Variants in MTA3 observed in about 807,000 individuals in gnomAD.
MTA3 encodes metastasis associated 1 family member 3, also known as metastasis-associated protein MTA3.
A neutral mutation model predicts 83.5 loss-of-function variants in MTA3; 34 were observed. That is an observed-to-expected ratio of 0.41 (90% confidence interval 0.31 to 0.54). The LOEUF (loss-of-function observed/expected upper bound fraction) is 0.54, where lower values mean the gene tolerates loss of function less well. Ranked by LOEUF, MTA3 falls within the 20% of genes least tolerant of loss-of-function variation. The pLI is 0.33. For synonymous variants in MTA3, 303 were observed against 252.7 expected, an observed-to-expected ratio of 1.20 and a Z score of -1.89; for missense variants, 761 against 726.4, an observed-to-expected ratio of 1.05 and a Z score of -0.55.
At chr2:42,569,095 C>G (rs551031086) in intron 1 of MTA3, among the ~76,000 whole-genome samples, 1 of 152,230 alleles carries the variant, frequency 6.6e-6, no homozygotes, top group South Asian at 2.1e-4. Flanking sequence ...CCGTCGAGCC[C>G]CCTGAGAAGG....
chr2:42,596,636 A>G (rs1312032401), intron 3 of MTA3, among the ~76,000 whole-genome samples: 1 of 152,200 alleles, frequency 6.6e-6, no homozygotes, highest in Non-Finnish European at 1.5e-5. Context: ...TACTGTATTA[A>G]TACTTTAAAA....
intron 4 of MTA3, among the ~76,000 whole-genome samples, chr2:42,616,226 A>G (rs1402463406): frequency 1.3e-5 from 2 of 151,774 alleles, no homozygotes; most frequent in East Asian, 3.9e-4. Flanking sequence ...ACGCCTGGCT[A>G]ATATTTTTGT....
chr2:42,583,570 A>G (rs6736719), intron 3 of MTA3, among the ~76,000 whole-genome samples: 115,837 of 152,112 alleles, frequency 0.76, 44,621 homozygotes, highest in South Asian at 0.88. Flanking sequence ...GTCTTGCTCT[A>G]TCGCTCAGGC....
At chr2:42,502,144 G>T (rs530453581) in intron 2 of MTA3, among the ~76,000 whole-genome samples, 37 of 151,484 alleles carry the variant, frequency 2.4e-4, no homozygotes, top group Non-Finnish European at 5.0e-4. Context: ...ACATCTCAAA[G>T]TGGGGGTGTT....
At chr2:42,536,845 T>C (rs1812184) in intron 2 of MTA3, among the ~76,000 whole-genome samples, 49,214 of 126,342 alleles carry the variant, frequency 0.39, 9,030 homozygotes, top group Middle Eastern at 0.45. Flanking sequence ...GGCAACAGAG[T>C]GAGACCCCAT....
In MTA3 at chr2:42,721,467, A is replaced by G. The variant is rs1470822854; in HGVS notation, c.1613-1422A>G. On this transcript the variant is annotated intron_variant, in intron 15 of 16. Coordinates refer to ENST00000405094, the MANE Select transcript of MTA3 (RefSeq NM_001330442.2). ...TTAAGCCTCCTGAATGGCTGGGACT[A>G]CAGGTGTGCACCACCACACTTGGCT... 2.0e-5 allele frequency among the ~76,000 whole-genome samples: 3 copies of G among 151,758 alleles called. 1 individual carries two copies. The highest frequency in any genetic ancestry group is 4.2e-4 in the South Asian group (2 of 4,802).
chr2:42,715,544 T>C (rs1304564704), intron 14 of MTA3, among the ~76,000 whole-genome samples: 2 of 151,918 alleles, frequency 1.3e-5, no homozygotes, highest in Non-Finnish European at 2.9e-5. Flanking sequence ...AGCTGGAACT[T>C]TCTATAAAAT....
At chr2:42,654,738 C>G (rs1405361138) in intron 6 of MTA3, among the ~76,000 whole-genome samples, 1 of 152,170 alleles carries the variant, frequency 6.6e-6, no homozygotes, top group African/African-American at 2.4e-5. Context: ...CCTCAGCTTC[C>G]TGAGTAGTTA....
intron 2 of MTA3, among the ~76,000 whole-genome samples, chr2:42,546,579 T>C (rs747651066): frequency 6.6e-6 from 1 of 152,196 alleles, no homozygotes; most frequent in Non-Finnish European, 1.5e-5. Context: ...CATTTCTAGT[T>C]GGTCACTTTT....
chr2:42,607,681 T>A lies in MTA3; in HGVS notation c.191-1777T>A, dbSNP rs571787098. On this transcript the variant is annotated intron_variant, in intron 3 of 16. Transcript: ENST00000405094. ...AATTTATCTTTTGAATTCTCTTTAC[T>A]CTTCATCCACTCTAATAATTGATTT... Among the ~76,000 whole-genome samples, 133 of 152,284 alleles carry A rather than the reference T, an allele frequency of 8.7e-4. 3 individuals are homozygous for A. The highest frequency in any genetic ancestry group is 2.7e-3 in the African/African-American group (114 of 41,558).
intron 3 of MTA3, among the ~76,000 whole-genome samples, chr2:42,582,835 T>G (rs1415341897): frequency 6.6e-6 from 1 of 152,144 alleles, no homozygotes; most frequent in Non-Finnish European, 1.5e-5. Context: ...TTAAGGAACT[T>G]AGCATCAAGC....
intron 14 of MTA3, among the ~76,000 whole-genome samples, chr2:42,715,558 A>G (rs1156938962): frequency 6.6e-6 from 1 of 151,982 alleles, no homozygotes; most frequent in African/African-American, 2.4e-5. Context: ...ATAAAATATT[A>G]TGAGGATTAG....
intron 5 of MTA3, among the ~76,000 whole-genome samples, chr2:42,642,021 A>T (rs941113714): frequency 2.0e-5 from 3 of 152,156 alleles, no homozygotes; most frequent in Non-Finnish European, 4.4e-5. Context: ...CCCCCTAAAT[A>T]TATAAAAAAT....
At position 42,656,262 on chromosome 2, in the gene MTA3, C is replaced by G. The variant is rs1327090643; in HGVS notation, c.562C>G (p.Leu188Val). 6.2e-7 allele frequency: 1 copy of G among 1,613,768 alleles called. No individual in the cohort carries two copies. Among genetic ancestry groups the G allele is most frequent in the Non-Finnish European group, 8.5e-7 (1 of 1,179,750 alleles). ...TAAAGTTTGGGATCCAAATAGCCCACTTACGGATCGACAGATTGACCAGTT... is the reference window on the plus strand; with the variant it reads ...TAAAGTTTGGGATCCAAATAGCCCAGTTACGGATCGACAGATTGACCAGTT... ...EVKVWDPNSP[L>V]TDRQIDQFLV... The change falls in exon 7 of 17, where the codon CTT becomes GTT. Residue 188 changes from leucine to valine, a missense_variant. Coordinates refer to ENST00000405094, the MANE Select transcript of MTA3 (RefSeq NM_001330442.2).
At chr2:42,667,602 G>GTGTGTGTGTGTT (rs1288398599) in intron 8 of MTA3, among the ~76,000 whole-genome samples, 18 of 132,284 alleles carry the variant, frequency 1.4e-4, no homozygotes, top group African/African-American at 5.0e-4. Context: ...GTGTGTGTGT[G>GTGTGTGTGTGTT]TGTGTGTATA....
At chr2:42,619,688 A>G (rs1685313914) in intron 4 of MTA3, among the ~76,000 whole-genome samples, 2 of 152,332 alleles carry the variant, frequency 1.3e-5, no homozygotes, top group South Asian at 2.1e-4. Flanking sequence ...GGAAGGACTA[A>G]CAACAATGAA....
chr2:42,577,035 A>G lies in MTA3; in HGVS notation c.97-2072A>G, dbSNP rs150340186. ...CTTGAACCAGGGAGTTGGAGGTTGC[A>G]GTGAGCCGAGATTGTGCCACTGCAC... is the stretch of plus-strand genomic sequence containing the variant. On this transcript the variant is annotated intron_variant, in intron 2 of 16. Coordinates refer to ENST00000405094, the MANE Select transcript of MTA3 (RefSeq NM_001330442.2). Among the ~76,000 whole-genome samples the G allele has an allele frequency of 4.1e-3, 607 of 146,696 alleles. 7 individuals are homozygous for G. Among genetic ancestry groups the G allele is most frequent in the African/African-American group, 0.015 (588 of 39,828 alleles).
At chr2:42,610,171 A>G (rs568453546) in intron 4 of MTA3, among the ~76,000 whole-genome samples, 3 of 152,352 alleles carry the variant, frequency 2.0e-5, no homozygotes, top group African/African-American at 7.2e-5. Flanking sequence ...ATATCTTTTC[A>G]GAATGGTACA....
intron 14 of MTA3, chr2:42,712,818 A>G (rs1666731534): frequency 1.3e-5 from 2 of 152,152 alleles, no homozygotes; most frequent in Non-Finnish European, 2.9e-5. Context: ...AAGGATGACA[A>G]CACAAATTAG....
Sources: allele counts gnomAD v4.1 joint callset (sites outside exome capture counted in the v4.1 genomes callset), GRCh38; gene constraint gnomAD v4.1.1; transcripts MANE v1.5; gene names NCBI Gene and HGNC (gene_info 2026-07-23, HGNC 2026-07-21).